Variants in RGS17 observed in about 807,000 individuals in gnomAD.
RGS17 encodes the protein regulator of G protein signaling 17, also known as regulator of G-protein signaling 17.
Under a neutral mutation model 25.5 loss-of-function variants are expected in RGS17, and 12 were observed. The observed-to-expected ratio is 0.47, with a 90% CI of 0.30 to 0.76. The LOEUF is 0.76. RGS17 is among the 30% of genes least tolerant of loss of function. The probability of loss-of-function intolerance (pLI) is 0.07; values close to 1 mark genes in which losing one functional copy is unlikely to be tolerated. For missense variants in RGS17, 196 were observed against 242.2 expected (o/e 0.81, Z 1.27); for synonymous variants, 71 against 76.9 (o/e 0.92, Z 0.40).
chr6:153,079,789 G>A (rs1776945011), intron 1 of RGS17, among the ~76,000 whole-genome samples: 1 of 151,792 alleles, frequency 6.6e-6, no homozygotes, highest in Non-Finnish European at 1.5e-5. Flanking sequence ...TCATACAAGG[G>A]CAGTGATGGT....
chr6:153,011,561 T>A lies in RGS17; in HGVS notation c.*13A>T. 1 of 1,569,108 alleles carries A rather than the reference T, an allele frequency of 6.4e-7. No individual in the cohort carries two copies. Among genetic ancestry groups the A allele is most frequent in the Non-Finnish European group, 8.7e-7 (1 of 1,147,570 alleles). ...CATCTCAGCCCTCCAAAATGATTGT[T>A]TTTAAATGAACATTAAGATTCAGAA... On this transcript the variant is annotated 3_prime_UTR_variant, in exon 5 of 5. Coordinates refer to ENST00000206262, the MANE Select transcript of RGS17 (RefSeq NM_012419.5).
chr6:153,041,981 G>A (rs891997246), intron 2 of RGS17, among the ~76,000 whole-genome samples: 3 of 152,104 alleles, frequency 2.0e-5, no homozygotes, highest in African/African-American at 2.4e-5. Flanking sequence ...ATGGCCTTAC[G>A]AGGCAGGGAT....
At chr6:153,071,814 T>C (rs1304529569) in intron 1 of RGS17, among the ~76,000 whole-genome samples, 6 of 152,176 alleles carry the variant, frequency 3.9e-5, no homozygotes, top group African/African-American at 1.2e-4. Context: ...ATCTATTTTA[T>C]AGTAGTAGCT....
chr6:153,090,729 G>C (rs1375903456), intron 1 of RGS17, among the ~76,000 whole-genome samples: 1 of 152,204 alleles, frequency 6.6e-6, no homozygotes. Flanking sequence ...TCCAGCCCAG[G>C]ATGTGAATCA....
chr6:153,008,821 T>C lies in RGS17; in HGVS notation c.*2753A>G, dbSNP rs1779103513. The C allele has an allele frequency of 6.6e-6, 1 of 152,178 alleles. No homozygotes were observed. Among genetic ancestry groups the C allele is most frequent in the African/African-American group, 2.4e-5 (1 of 41,442 alleles). The allele number at this position is 152,178 out of a possible 1,614,324, so 9.4% of individuals were successfully genotyped here. A position where few individuals can be genotyped will look rare whatever the true frequency, so the allele number is the denominator to read the frequency against. ...GGTAGCATAGACACCAGTTGAAGGC[T>C]CTTTTGTTTATTTATAATAGCTCTG... On this transcript the variant is annotated 3_prime_UTR_variant, in exon 5 of 5. Transcript: ENST00000206262.
intron 1 of RGS17, among the ~76,000 whole-genome samples, chr6:153,129,416 G>A (rs888716928): frequency 1.1e-4 from 17 of 152,122 alleles, no homozygotes; most frequent in Non-Finnish European, 2.5e-4. Flanking sequence ...AGAAGACTTC[G>A]GAAACAAGTA....
Position 153,006,551 on chromosome 6 carries a change from T to C in RGS17, c.*5023A>G, listed in dbSNP as rs1007490502. ...ATTGAGAAAAGCAGTAACACTGATA[T>C]AGTGTTCCATCTTAAAACATGATTG... On this transcript the variant is annotated 3_prime_UTR_variant, in exon 5 of 5. Transcript: ENST00000206262. 7.9e-5 allele frequency: 12 copies of C among 152,714 alleles called. No homozygotes were observed. Among genetic ancestry groups the C allele is most frequent in the African/African-American group, 1.7e-4 (7 of 41,574 alleles). 9.5% of individuals were successfully genotyped at this position (152,714 alleles called of 1,614,324 possible).
chr6:153,057,710 T>C (rs968881425), intron 1 of RGS17, among the ~76,000 whole-genome samples: 1 of 152,230 alleles, frequency 6.6e-6, no homozygotes, highest in East Asian at 1.9e-4. Flanking sequence ...CTCACCATAA[T>C]GTAGAGTCAG....
At chr6:153,070,844 T>G (rs550955278) in intron 1 of RGS17, among the ~76,000 whole-genome samples, 14 of 150,610 alleles carry the variant, frequency 9.3e-5, no homozygotes, top group African/African-American at 3.4e-4. Flanking sequence ...TACATATACA[T>G]ATACACAATA....
intron 1 of RGS17, among the ~76,000 whole-genome samples, chr6:153,088,118 G>A (rs913176064): frequency 3.0e-4 from 45 of 152,132 alleles, no homozygotes; most frequent in Admixed American, 1.8e-3. Flanking sequence ...AATCAGGGTG[G>A]ACTAGGGGTC....
At chr6:153,108,835 A>G (rs1426006351) in intron 1 of RGS17, among the ~76,000 whole-genome samples, 1 of 151,596 alleles carries the variant, frequency 6.6e-6, no homozygotes, top group Non-Finnish European at 1.5e-5. Flanking sequence ...GTAGACAGAC[A>G]GATCAATCTT....
At chr6:153,030,036 A>G (rs895046135) in intron 2 of RGS17, among the ~76,000 whole-genome samples, 1 of 152,240 alleles carries the variant, frequency 6.6e-6, no homozygotes, top group Non-Finnish European at 1.5e-5. Context: ...TCAAACCTTA[A>G]ATACTTTATG....
At chr6:153,129,824 G>C (rs1777759607) in intron 1 of RGS17, among the ~76,000 whole-genome samples, 1 of 152,252 alleles carries the variant, frequency 6.6e-6, no homozygotes, top group Admixed American at 6.5e-5. Context: ...GGTCAGGGGA[G>C]GTCAGGAGAG....
At chr6:153,030,218 G>A (rs915423330) in intron 2 of RGS17, among the ~76,000 whole-genome samples, 1 of 152,210 alleles carries the variant, frequency 6.6e-6, no homozygotes, top group Admixed American at 6.5e-5. Flanking sequence ...TTACAGGGGA[G>A]TGTGGACAGT....
chr6:153,030,673 A>G (rs928928318), intron 2 of RGS17, among the ~76,000 whole-genome samples: 7 of 152,200 alleles, frequency 4.6e-5, no homozygotes, highest in Non-Finnish European at 5.9e-5. Context: ...GAATTGGTAG[A>G]TTATTCTTTA....
At chr6:153,020,127 T>TAC (rs1779229248) in intron 4 of RGS17, among the ~76,000 whole-genome samples, 1 of 95,980 alleles carries the variant, frequency 1.0e-5, no homozygotes, top group Non-Finnish European at 2.0e-5. Context: ...TATATATATA[T>TAC]ATATATATAT....
At chr6:153,089,721 G>A (rs1777100114) in intron 1 of RGS17, among the ~76,000 whole-genome samples, 1 of 151,788 alleles carries the variant, frequency 6.6e-6, no homozygotes, top group Admixed American at 6.6e-5. Context: ...AAATAAATCT[G>A]GTAATAGTTT....
At chr6:153,027,839 G>A (rs1779319347) in intron 2 of RGS17, among the ~76,000 whole-genome samples, 1 of 152,174 alleles carries the variant, frequency 6.6e-6, no homozygotes, top group Admixed American at 6.5e-5. Context: ...TGAATGCAAA[G>A]AAGGGTCACT....
Position 153,054,134 on chromosome 6 carries a change from A to G in RGS17, c.-25-10091T>C, listed in dbSNP as rs570423312. On this transcript the variant is annotated intron_variant, in intron 1 of 4. Coordinates refer to ENST00000206262, the MANE Select transcript of RGS17 (RefSeq NM_012419.5). ...TATATGTGTATATATATATATATAC[A>G]GCTTTATACCAGGCAGGAATTTCTT... 4.3e-3 allele frequency among the ~76,000 whole-genome samples: 550 copies of G among 127,588 alleles called. 30 individuals are homozygous for G. The highest frequency in any genetic ancestry group is 0.016 in the African/African-American group (515 of 33,170). The allele number at this position is 127,588 out of a possible 152,430, so 83.7% of individuals were successfully genotyped here.
Sources: allele counts gnomAD v4.1 joint callset (sites outside exome capture counted in the v4.1 genomes callset), GRCh38; gene constraint gnomAD v4.1.1; transcripts MANE v1.5; gene names NCBI Gene and HGNC (gene_info 2026-07-23, HGNC 2026-07-21).